Variants in EPHA6 observed in about 807,000 individuals in gnomAD.
The protein encoded by EPHA6 is EPH receptor A6, also known as ephrin type-A receptor 6.
EPHA6 carries 50 observed loss-of-function variants against 112.0 expected under a neutral mutation model. The ratio of observed to expected loss-of-function variants is 0.45; its 90% CI spans 0.36 to 0.56. The LOEUF is 0.56. EPHA6 is among the 20% of genes least tolerant of loss of function. EPHA6 has a pLI of 0.00. For synonymous variants in EPHA6, 529 were observed against 490.7 expected (o/e 1.08, Z -1.03); for missense variants, 1,280 against 1,417.4 (o/e 0.90, Z 1.56).
intron 16 of EPHA6, chr3:97,745,361 C>G (rs1000075251): frequency 6.6e-6 from 3 of 453,002 alleles, no homozygotes; most frequent in African/African-American, 6.0e-5. Context: ...TGTTTTAGGT[C>G]AAATCATGAA....
At chr3:96,911,394 T>C (rs1226804985) in intron 2 of EPHA6, among the ~76,000 whole-genome samples, 1 of 152,078 alleles carries the variant, frequency 6.6e-6, no homozygotes, top group Non-Finnish European at 1.5e-5. Context: ...GTTTTTATTG[T>C]GGAAAGCTTT....
chr3:97,189,879 G>A (rs2077254188), intron 3 of EPHA6, among the ~76,000 whole-genome samples: 1 of 151,922 alleles, frequency 6.6e-6, no homozygotes, highest in Non-Finnish European at 1.5e-5. Flanking sequence ...CATTATGATT[G>A]GCCACAATTT....
chr3:97,464,228 C>T (rs898992043), intron 7 of EPHA6, among the ~76,000 whole-genome samples: 2 of 152,034 alleles, frequency 1.3e-5, no homozygotes, highest in East Asian at 3.9e-4. Context: ...AGGTCTCTGT[C>T]GGTAATCCAA....
At chr3:97,022,280 A>G (rs1404543900) in intron 3 of EPHA6, among the ~76,000 whole-genome samples, 2 of 151,918 alleles carry the variant, frequency 1.3e-5, no homozygotes, top group Non-Finnish European at 2.9e-5. Flanking sequence ...AGGTTATCAT[A>G]TTTTTTCCAG....
intron 3 of EPHA6, among the ~76,000 whole-genome samples, chr3:97,058,929 A>G (rs950497396): frequency 6.6e-6 from 1 of 152,176 alleles, no homozygotes; most frequent in Non-Finnish European, 1.5e-5. Context: ...TGTCTTTCTG[A>G]TCTCAGGTTA....
chr3:97,172,297 G>A (rs572248450), intron 3 of EPHA6, among the ~76,000 whole-genome samples: 6 of 151,918 alleles, frequency 3.9e-5, no homozygotes, highest in Admixed American at 2.0e-4. Flanking sequence ...CTTATGTTGA[G>A]TTTTGCACAG....
At chr3:97,031,795 C>T (rs1210090883) in intron 3 of EPHA6, among the ~76,000 whole-genome samples, 1 of 152,040 alleles carries the variant, frequency 6.6e-6, no homozygotes, top group Non-Finnish European at 1.5e-5. Flanking sequence ...AGTCAGGAAA[C>T]AACAGGTGCT....
intron 1 of EPHA6, among the ~76,000 whole-genome samples, chr3:96,815,689 T>C (rs1012075650): frequency 3.3e-5 from 5 of 152,198 alleles, no homozygotes; most frequent in African/African-American, 1.2e-4. Flanking sequence ...TGGAGGACTT[T>C]GTTTCGGTGG....
intron 3 of EPHA6, among the ~76,000 whole-genome samples, chr3:97,052,534 G>C (rs1240173898): frequency 6.6e-6 from 1 of 152,060 alleles, no homozygotes; most frequent in East Asian, 1.9e-4. Context: ...CTCAATATTT[G>C]TTGACTAAGT....
At chr3:97,230,997 C>T (rs1193263545) in intron 4 of EPHA6, among the ~76,000 whole-genome samples, 1 of 152,130 alleles carries the variant, frequency 6.6e-6, no homozygotes, top group African/African-American at 2.4e-5. Context: ...GTGATTTCTA[C>T]TTTGTTTTCA....
intron 3 of EPHA6, among the ~76,000 whole-genome samples, chr3:97,071,360 T>C (rs999110554): frequency 5.3e-5 from 8 of 152,058 alleles, no homozygotes; most frequent in Admixed American, 1.3e-4. Context: ...AAAAATTTTA[T>C]TTTAATTTTG....
chr3:97,595,273 A>T (rs1318899176), intron 12 of EPHA6, among the ~76,000 whole-genome samples: 3 of 152,228 alleles, frequency 2.0e-5, no homozygotes, highest in African/African-American at 7.2e-5. Context: ...ACCAGGAAGT[A>T]TTAGCTGAAA....
intron 3 of EPHA6, among the ~76,000 whole-genome samples, chr3:97,032,759 T>A (rs1394108485): frequency 6.6e-6 from 1 of 152,008 alleles, no homozygotes; most frequent in Non-Finnish European, 1.5e-5. Flanking sequence ...TAAAGTTCTG[T>A]GAGCTTGGTA....
intron 13 of EPHA6, among the ~76,000 whole-genome samples, chr3:97,630,809 A>G (rs1054570354): frequency 6.6e-6 from 1 of 151,964 alleles, no homozygotes; most frequent in Non-Finnish European, 1.5e-5. Flanking sequence ...CAATTTTTCT[A>G]TGTATCTACC....
At chr3:97,322,808 T>C (rs1022582309) in intron 5 of EPHA6, among the ~76,000 whole-genome samples, 2 of 152,002 alleles carry the variant, frequency 1.3e-5, no homozygotes, top group Non-Finnish European at 2.9e-5. Flanking sequence ...TTTAAAAAAA[T>C]CTATAATGTT....
intron 11 of EPHA6, among the ~76,000 whole-genome samples, chr3:97,566,482 TA>T (rs1379658004): frequency 3.9e-5 from 6 of 152,230 alleles, no homozygotes; most frequent in African/African-American, 1.4e-4. Context: ...TTGCTAATGC[TA>T]GGATTGTATG....
intron 10 of EPHA6, among the ~76,000 whole-genome samples, chr3:97,486,284 G>C (rs1038110282): frequency 1.6e-4 from 24 of 151,888 alleles, no homozygotes; most frequent in Admixed American, 4.6e-4. Flanking sequence ...ATATGCTAAG[G>C]GTCCTTTTAC....
intron 11 of EPHA6, among the ~76,000 whole-genome samples, chr3:97,565,281 A>G (rs374305756): frequency 6.6e-6 from 1 of 152,136 alleles, no homozygotes; most frequent in African/African-American, 2.4e-5. Context: ...AAAAGCAATT[A>G]TGCATTTGTA....
intron 2 of EPHA6, among the ~76,000 whole-genome samples, chr3:96,959,442 T>C (rs1210970901): frequency 6.6e-6 from 1 of 152,170 alleles, no homozygotes; most frequent in Non-Finnish European, 1.5e-5. Flanking sequence ...AATTTTTTTT[T>C]CTATTCTGTA....
Sources: gnomAD v4.1 joint callset for allele counts (sites outside exome capture counted in the v4.1 genomes callset) on GRCh38, gnomAD v4.1.1 for gene constraint, MANE v1.5 for transcripts, NCBI Gene and HGNC (gene_info 2026-07-23, HGNC 2026-07-21) for gene names.